Variants in ZNF273 observed in about 807,000 individuals in gnomAD.
ZNF273 encodes the protein zinc finger protein 273.
In ZNF273, 11 loss-of-function variants were observed where a neutral mutation model predicts 14.9. The ratio of observed to expected loss-of-function variants is 0.74; its 90% CI spans 0.46 to 1.22. The LOEUF is 1.22. Ranked by LOEUF, ZNF273 falls within the 50% of genes most tolerant of loss-of-function variation. The pLI is 0.00. For missense variants in ZNF273, 577 were observed against 660.6 expected (o/e 0.87, Z 1.39); for synonymous variants, 199 against 223.9 (o/e 0.89, Z 0.99).
chr7:64,926,755 G>C (rs1794784795), intron 3 of ZNF273, among the ~76,000 whole-genome samples: 1 of 152,146 alleles, frequency 6.6e-6, no homozygotes, highest in South Asian at 2.1e-4. Flanking sequence ...GTCTTGGCTA[G>C]AGATTTTGGT....
intron 1 of ZNF273, among the ~76,000 whole-genome samples, chr7:64,915,740 T>TG (rs1793929486): frequency 6.6e-6 from 1 of 152,206 alleles, no homozygotes; most frequent in Non-Finnish European, 1.5e-5. Flanking sequence ...GGCCAGATTT[T>TG]GGGGGGCCTG....
At chr7:64,923,304 G>A (rs1208182398) in intron 3 of ZNF273, 1 of 453,224 alleles carries the variant, frequency 2.2e-6, no homozygotes, top group African/African-American at 2.0e-5. Context: ...TGACAGTCCA[G>A]TTTTATTGTT....
chr7:64,929,829 T>G lies in ZNF273; in HGVS notation c.*791T>G, dbSNP rs1397266456. The G allele has an allele frequency of 2.7e-5, 4 of 150,686 alleles. No individual in the cohort carries two copies. The highest frequency in any genetic ancestry group is 2.0e-4 in the Admixed American group (3 of 14,892). 9.3% of individuals were successfully genotyped at this position (150,686 alleles called of 1,614,324 possible). A position where few individuals can be genotyped will look rare whatever the true frequency, so the allele number is the denominator to read the frequency against. On this transcript the variant is annotated 3_prime_UTR_variant, in exon 4 of 4. Transcript: ENST00000476120. Reference sequence around the variant, plus strand: ...GTAATTCAACTCTCAAATTCATGGTTTTTTTTTTTTTGGTTTTGGTTTTGG... The same window carrying G: ...GTAATTCAACTCTCAAATTCATGGTGTTTTTTTTTTTGGTTTTGGTTTTGG...
chr7:64,936,397 T>TTCTGCCTGCTTACAGAGATACCA, the ZNF273 span, among the ~76,000 whole-genome samples: 19 of 152,212 alleles, frequency 1.2e-4, no homozygotes, highest in Admixed American at 1.2e-3. Context: ...GGGCACCTTC[T>TTCTGCCTGCTTACAGAGATACCA]TCTGCCTGCT....
chr7:64,899,268 A>G (rs4398786), upstream of ZNF273, among the ~76,000 whole-genome samples: 63,616 of 152,204 alleles, frequency 0.42, 13,559 homozygotes, highest in South Asian at 0.45. Flanking sequence ...AAAAAATGTG[A>G]TTTTGGTTAA....
downstream of ZNF273, chr7:64,890,205 T>TGAGAGAGAGA (rs1791897994): frequency 3.3e-5 from 1 of 30,284 alleles, no homozygotes. Context: ...TGTGTGTGTG[T>TGAGAGAGAGA]GTGTGTGTGT....
intron 1 of ZNF273, among the ~76,000 whole-genome samples, chr7:64,904,076 T>A (rs1459526574): frequency 6.6e-6 from 1 of 152,110 alleles, no homozygotes; most frequent in East Asian, 1.9e-4. Context: ...TTACAAAAAG[T>A]TTGAGTTAGA....
At chr7:64,883,217 C>CCCCA (rs1554378891), downstream of ZNF273, among the ~76,000 whole-genome samples, 1 of 143,508 alleles carries the variant, frequency 7.0e-6, no homozygotes, top group Non-Finnish European at 1.6e-5. Context: ...AATCACCACC[C>CCCCA]CCCCCTCACC....
At chr7:64,899,747 A>G (rs1399285419), upstream of ZNF273, among the ~76,000 whole-genome samples, 1 of 150,872 alleles carries the variant, frequency 6.6e-6, no homozygotes, top group African/African-American at 2.4e-5. Context: ...GCAGAAGTTC[A>G]TTGTAATTTC....
chr7:64,887,818 T>C (rs2129038108), intron 1 of ZNF273, among the ~76,000 whole-genome samples: 1 of 151,008 alleles, frequency 6.6e-6, no homozygotes, highest in East Asian at 2.0e-4. Context: ...TTTTTCTTAA[T>C]AGTTCAGGGC....
At chr7:64,919,041 C>A (rs1794237049) in intron 3 of ZNF273, among the ~76,000 whole-genome samples, 1 of 152,060 alleles carries the variant, frequency 6.6e-6, no homozygotes, top group Non-Finnish European at 1.5e-5. Flanking sequence ...TTTTTCTGTA[C>A]ATTTAATCCT....
chr7:64,886,907 C>G (rs1175058394), intron 1 of ZNF273, among the ~76,000 whole-genome samples: 1 of 152,208 alleles, frequency 6.6e-6, no homozygotes, highest in Non-Finnish European at 1.5e-5. Context: ...CAGAGATGAG[C>G]ATGGTCCCCA....
rs776289141 is a variant in ZNF273, at chr7:64,928,198, C to A, written c.870C>A (p.Tyr290Ter). 9.9e-6 allele frequency: 16 copies of A among 1,613,430 alleles called. No individual in the cohort carries two copies. The highest frequency in any genetic ancestry group is 1.4e-5 in the Non-Finnish European group (16 of 1,179,780). Residue 290 changes from tyrosine (Y) to a stop codon, truncating the protein, a stop_gained, in exon 4 of 4, where the codon TAC becomes TAA. Transcript: ENST00000476120. LOFTEE classifies it low-confidence loss of function (END_TRUNC). ...AAATTCATACTGAAGAGAAACCTTA[C>A]AAATGTGAAGATTGTGGCAAAGTCT... ...HKKIHTEEKP[Y>*]KCEDCGKVFS...
chr7:64,886,408 G>T (rs1175544247), intron 1 of ZNF273, among the ~76,000 whole-genome samples: 3 of 152,170 alleles, frequency 2.0e-5, no homozygotes, highest in African/African-American at 7.2e-5. Context: ...AGATAAGTGA[G>T]CTCACTGTCA....
At chr7:64,912,834 T>TGTTG (rs1294983195) in intron 1 of ZNF273, among the ~76,000 whole-genome samples, 1 of 100,018 alleles carries the variant, frequency 1.0e-5, no homozygotes, top group Non-Finnish European at 2.2e-5. Flanking sequence ...TAGTTTTTTT[T>TGTTG]TTTTTTTTTT....
At chr7:64,883,070 T>C (rs1005256217), downstream of ZNF273, among the ~76,000 whole-genome samples, 8 of 152,134 alleles carry the variant, frequency 5.3e-5, no homozygotes, top group Non-Finnish European at 1.0e-4. Flanking sequence ...CTTTTTCTTT[T>C]TTTTCCGAGT....
At chr7:64,897,661 G>C (rs377181248) in exon 4 of ZNF273, 3 of 149,516 alleles carry the variant, frequency 2.0e-5, no homozygotes, top group African/African-American at 4.9e-5. Context: ...ATAAGCATAC[G>C]CATCAATAGT....
intron 3 of ZNF273, among the ~76,000 whole-genome samples, chr7:64,896,848 A>C (rs879808955): frequency 1.3e-5 from 2 of 152,230 alleles, no homozygotes; most frequent in Non-Finnish European, 2.9e-5. Flanking sequence ...CAAATGAAAA[A>C]AAGGGGAAGT....
chr7:64,910,766 AT>A (rs931675627), intron 1 of ZNF273, among the ~76,000 whole-genome samples: 25 of 81,966 alleles, frequency 3.1e-4, no homozygotes, highest in African/African-American at 1.8e-3. Flanking sequence ...TCTGTAATTT[AT>A]TTTTTTTTTT....
Sources: gnomAD v4.1 joint callset for allele counts (sites outside exome capture counted in the v4.1 genomes callset) on GRCh38, gnomAD v4.1.1 for gene constraint, MANE v1.5 for transcripts, NCBI Gene and HGNC (gene_info 2026-07-23, HGNC 2026-07-21) for gene names.